The following AOAH variants were observed in gnomAD, a reference collection of about 807,000 sequenced individuals.
AOAH encodes acyloxyacyl hydrolase (neutrophil).
AOAH carries 64 observed loss-of-function variants against 92.2 expected under a neutral mutation model. That is an observed-to-expected ratio of 0.69 (90% CI 0.57 to 0.86). The LOEUF is 0.86. Ranked by LOEUF, AOAH falls within the 40% of genes least tolerant of loss-of-function variation. AOAH has a pLI of 0.00. For synonymous variants in AOAH, 263 were observed against 254.5 expected (o/e 1.03, Z -0.32); for missense variants, 656 against 694.6 (o/e 0.94, Z 0.62).
intron 13 of AOAH, among the ~76,000 whole-genome samples, chr7:36,571,373 C>A (rs780345651): frequency 3.5e-4 from 53 of 152,290 alleles, no homozygotes; most frequent in Non-Finnish European, 6.0e-4. Flanking sequence ...AAGCCTCCAC[C>A]CCCAGCACAT....
At chr7:36,567,209 G>A (rs1290600930) in intron 13 of AOAH, among the ~76,000 whole-genome samples, 1 of 152,160 alleles carries the variant, frequency 6.6e-6, no homozygotes, top group African/African-American at 2.4e-5. Context: ...TTCTTCTGAG[G>A]AGGCAAGAAT....
chr7:36,604,437 C>T (rs1203624663), intron 11 of AOAH, among the ~76,000 whole-genome samples: 3 of 152,156 alleles, frequency 2.0e-5, no homozygotes, highest in Admixed American at 6.5e-5. Context: ...TTATCTATTT[C>T]TCTGTCTTTA....
intron 11 of AOAH, among the ~76,000 whole-genome samples, chr7:36,600,614 AGGTTCT>A (rs1389745494): frequency 6.6e-6 from 1 of 152,096 alleles, no homozygotes; most frequent in African/African-American, 2.4e-5. Context: ...ATTTGAGCCC[AGGTTCT>A]GGTGGAACAA....
At chr7:36,542,936 T>C (rs953331105) in intron 15 of AOAH, among the ~76,000 whole-genome samples, 1 of 152,192 alleles carries the variant, frequency 6.6e-6, no homozygotes, top group Admixed American at 6.5e-5. Flanking sequence ...TGTATTAATA[T>C]AGAAAGATGG....
chr7:36,702,749 G>T (rs1798106911), intron 1 of AOAH, among the ~76,000 whole-genome samples: 1 of 152,130 alleles, frequency 6.6e-6, no homozygotes, highest in Non-Finnish European at 1.5e-5. Flanking sequence ...CGATGTTGTT[G>T]GTTGTTGACT....
At chr7:36,609,562 CG>C (rs1375038395) in intron 11 of AOAH, among the ~76,000 whole-genome samples, 1 of 152,118 alleles carries the variant, frequency 6.6e-6, no homozygotes, top group Non-Finnish European at 1.5e-5. Flanking sequence ...AGCCTTTGCA[CG>C]TACTCTTTCC....
intron 13 of AOAH, among the ~76,000 whole-genome samples, chr7:36,558,486 G>A (rs1054578444): frequency 6.6e-6 from 1 of 152,250 alleles, no homozygotes; most frequent in African/African-American, 2.4e-5. Context: ...ATCTCCAGCT[G>A]TGTGCTGGGA....
Position 36,614,755 on chromosome 7 carries a change from G to A in AOAH, c.846+1625C>T, listed in dbSNP as rs139717420. Among the ~76,000 whole-genome samples the A allele has an allele frequency of 2.9e-3, 448 of 152,342 alleles. 3 individuals carry two copies. The highest frequency in any genetic ancestry group is 9.4e-3 in the African/African-American group (392 of 41,568). On this transcript the variant is annotated intron_variant, in intron 11 of 20. Transcript: ENST00000617537. The surrounding 1 kb of genome is among the most constrained non-coding windows in gnomAD (Gnocchi z 4.2). ...GTGGCAGCTGTCACCTGCCCCAGCC[G>A]GCAGTGCTGGCATCTGGTGGGCAGA...
In AOAH at chr7:36,714,943, C is replaced by T. The variant is rs1355960648; in HGVS notation, c.127+9079G>A. ...AAGACAGGGATGCCCTCTCTCACCA[C>T]ACCTATTCAACATAGTGTTGGAAGT... is the stretch of plus-strand genomic sequence containing the variant. On this transcript the variant is annotated intron_variant, in intron 1 of 20. Coordinates refer to ENST00000617537, the MANE Select transcript of AOAH (RefSeq NM_001637.4). Among the ~76,000 whole-genome samples the T allele has an allele frequency of 2.0e-5, 3 of 152,186 alleles. 1 individual carries two copies. The highest frequency in any genetic ancestry group is 4.4e-5 in the Non-Finnish European group (3 of 68,040).
chr7:36,724,001 C>A, intron 1 of AOAH, 21 bp downstream of exon 1: 1 of 1,608,686 alleles, frequency 6.2e-7, no homozygotes, highest in Non-Finnish European at 8.5e-7. Context: ...ATAGAAAATA[C>A]AAAAATATTT....
chr7:36,567,987 G>C (rs1202232501), intron 13 of AOAH, among the ~76,000 whole-genome samples: 1 of 152,212 alleles, frequency 6.6e-6, no homozygotes, highest in African/African-American at 2.4e-5. Flanking sequence ...AGATTCACAA[G>C]AGAAAAGAAA....
rs2116072718 is a variant in AOAH at position 36,621,707 on chromosome 7, T to TACCTTCTACCTGGGTA, written c.640_653+2dup. 1 of 1,613,958 alleles carries TACCTTCTACCTGGGTA rather than the reference T, an allele frequency of 6.2e-7. No individual in the cohort carries two copies. Among genetic ancestry groups the TACCTTCTACCTGGGTA allele is most frequent in the East Asian group, 2.2e-5 (1 of 44,870 alleles). On this transcript the variant is annotated splice_region_variant and intron_variant, in intron 8 of 20. Coordinates refer to ENST00000617537, the MANE Select transcript of AOAH (RefSeq NM_001637.4). ...AAAATCAGCAACCAGCAGAAATAGT[T>TACCTTCTACCTGGGTA]ACCTTCTACCTGGGTACACTGACTC...
At chr7:36,680,628 ATAACCATT>A (rs1796589014) in intron 2 of AOAH, among the ~76,000 whole-genome samples, 1 of 152,198 alleles carries the variant, frequency 6.6e-6, no homozygotes, top group Non-Finnish European at 1.5e-5. Flanking sequence ...TACAACTGAC[ATAACCATT>A]CTGTTTCTGT....
intron 1 of AOAH, among the ~76,000 whole-genome samples, chr7:36,710,715 AT>A (rs1239126015): frequency 1.3e-5 from 2 of 152,180 alleles, no homozygotes; most frequent in East Asian, 3.8e-4. Flanking sequence ...AACACCCAAG[AT>A]TTGAGAATTT....
chr7:36,556,841 A>G (rs1235261352), intron 13 of AOAH, among the ~76,000 whole-genome samples: 1 of 148,560 alleles, frequency 6.7e-6, no homozygotes, highest in Non-Finnish European at 1.5e-5. Context: ...TGCTTGGTAG[A>G]TCTTCCTCCA....
intron 1 of AOAH, among the ~76,000 whole-genome samples, chr7:36,711,865 G>A (rs1486010030): frequency 1.3e-5 from 2 of 152,076 alleles, no homozygotes; most frequent in East Asian, 3.9e-4. Context: ...TTAGGGCTGA[G>A]GACAGAGACC....
intron 13 of AOAH, among the ~76,000 whole-genome samples, chr7:36,557,284 CT>C (rs1786814432): frequency 6.6e-6 from 1 of 152,136 alleles, no homozygotes; most frequent in African/African-American, 2.4e-5. Context: ...GTTGAAAATT[CT>C]TTTCTTTAAG....
intron 3 of AOAH, among the ~76,000 whole-genome samples, chr7:36,660,180 C>T (rs778173397): frequency 8.5e-5 from 13 of 152,342 alleles, no homozygotes; most frequent in Non-Finnish European, 1.8e-4. Context: ...CGGACTCAGC[C>T]CACTTGCACC....
intron 1 of AOAH, among the ~76,000 whole-genome samples, chr7:36,701,550 C>T (rs1798037677): frequency 1.3e-5 from 2 of 150,784 alleles, no homozygotes; most frequent in Middle Eastern, 7.0e-3. Context: ...ATGAAATATA[C>T]CTTTTTGTTT....
Sources: gnomAD v4.1 joint callset for allele counts (sites outside exome capture counted in the v4.1 genomes callset) on GRCh38, gnomAD v4.1.1 for gene constraint, Gnocchi (gnomAD v3.1) non-coding constraint, MANE v1.5 for transcripts, NCBI Gene and HGNC (gene_info 2026-07-23, HGNC 2026-07-21) for gene names.